SLC35F3: variants seen among roughly 807,000 people sequenced by gnomAD.
The protein encoded by SLC35F3 is putative thiamine transporter SLC35F3.
Under a neutral mutation model 49.9 loss-of-function variants are expected in SLC35F3, and 25 were observed. The observed-to-expected ratio is 0.50, with a 90% CI of 0.37 to 0.70. The LOEUF (loss-of-function observed/expected upper bound fraction) is 0.70. SLC35F3 is among the 30% of genes least tolerant of loss of function. The pLI, the probability that SLC35F3 is intolerant of heterozygous loss-of-function variation, is 0.00. For synonymous variants in SLC35F3, 275 were observed against 265.4 expected, an observed-to-expected ratio of 1.04 and a Z score of -0.35; for missense variants, 525 against 639.8, an observed-to-expected ratio of 0.82 and a Z score of 1.94.
At chr1:234,020,480 T>A (rs1243389347) in intron 2 of SLC35F3, among the ~76,000 whole-genome samples, 1 of 152,164 alleles carries the variant, frequency 6.6e-6, no homozygotes, top group Non-Finnish European at 1.5e-5. Context: ...TTTATTTCTT[T>A]TTTCTTTTTT....
chr1:234,283,490 C>A (rs1668361635), intron 3 of SLC35F3, among the ~76,000 whole-genome samples: 1 of 152,210 alleles, frequency 6.6e-6, no homozygotes, highest in Non-Finnish European at 1.5e-5. Flanking sequence ...TTGTGGAATG[C>A]AAAGTAGCAC....
chr1:234,226,551 T>TA lies in SLC35F3; in HGVS notation c.284-4849dup, dbSNP rs10547189. 6.7e-3 allele frequency among the ~76,000 whole-genome samples: 962 copies of TA among 143,318 alleles called. 5 individuals are homozygous for TA. Among genetic ancestry groups the TA allele is most frequent in the African/African-American group, 0.022 (866 of 39,764 alleles). 94.0% of individuals were successfully genotyped at this position (143,318 alleles called of 152,430 possible). ...ATTGTAGAAGTGACTTACATTAAGTTAAAAAAAAAAAAAAAAAGCACCCAA... is the reference window on the plus strand; with the variant it reads ...ATTGTAGAAGTGACTTACATTAAGTTAAAAAAAAAAAAAAAAAAGCACCCAA... On this transcript the variant is annotated intron_variant, in intron 2 of 7. Coordinates refer to ENST00000366618, the MANE Select transcript of SLC35F3 (RefSeq NM_173508.4).
intron 2 of SLC35F3, among the ~76,000 whole-genome samples, chr1:234,227,444 G>A (rs1032901690): frequency 3.5e-5 from 5 of 143,566 alleles, no homozygotes; most frequent in Non-Finnish European, 7.5e-5. Flanking sequence ...TGTTGCCCAG[G>A]CTGGAGTCCA....
chr1:234,005,981 GATA>G (rs1166327370), intron 2 of SLC35F3, among the ~76,000 whole-genome samples: 1 of 152,162 alleles, frequency 6.6e-6, no homozygotes, highest in Admixed American at 6.5e-5. Flanking sequence ...CATTGACTTA[GATA>G]ATGTTTATGG....
intron 2 of SLC35F3, among the ~76,000 whole-genome samples, chr1:234,050,208 G>C (rs1202660161): frequency 2.6e-5 from 4 of 152,142 alleles, no homozygotes; most frequent in Non-Finnish European, 5.9e-5. Flanking sequence ...TTGAGGAATC[G>C]CCACACTGTC....
intron 2 of SLC35F3, among the ~76,000 whole-genome samples, chr1:233,934,397 C>T (rs978518880): frequency 6.6e-6 from 1 of 152,130 alleles, no homozygotes; most frequent in Non-Finnish European, 1.5e-5. Flanking sequence ...TTAAAATCAA[C>T]CTTCACGAAT....
At chr1:233,909,986 T>C (rs996147027) in intron 2 of SLC35F3, among the ~76,000 whole-genome samples, 1 of 152,334 alleles carries the variant, frequency 6.6e-6, no homozygotes, top group South Asian at 2.1e-4. Flanking sequence ...CCAGATCGAG[T>C]AATCATCACC....
At chr1:234,221,686 ACAT>A (rs1405490862) in intron 2 of SLC35F3, among the ~76,000 whole-genome samples, 1 of 152,198 alleles carries the variant, frequency 6.6e-6, no homozygotes, top group Admixed American at 6.5e-5. Context: ...ATTGGTTAAG[ACAT>A]CATGTAGCTC....
In SLC35F3 at chr1:233,987,508, A is replaced by T. The variant is rs890941820; in HGVS notation, c.283+81750A>T. On this transcript the variant is annotated intron_variant, in intron 2 of 7. Transcript: ENST00000366618. ...AAGTCTGAAGCTTTTTTGATTCCCCATCTTTTTATTTTGATCTATCTTTTC... is the reference window on the plus strand; with the variant it reads ...AAGTCTGAAGCTTTTTTGATTCCCCTTCTTTTTATTTTGATCTATCTTTTC... Among the ~76,000 whole-genome samples, 4 of 137,670 alleles carry T rather than the reference A, an allele frequency of 2.9e-5. No individual in the cohort carries two copies. In the South Asian group the frequency reaches 8.5e-4, roughly 29 times the overall value. The allele number at this position is 137,670 out of a possible 152,430, so 90.3% of individuals were successfully genotyped here.
chr1:234,232,684 C>G (rs190216234), intron 3 of SLC35F3, among the ~76,000 whole-genome samples: 190 of 152,144 alleles, frequency 1.2e-3, no homozygotes, highest in African/African-American at 4.3e-3. Flanking sequence ...CCCACCACAC[C>G]CCACCCCACC....
chr1:234,267,513 C>T (rs1668007652), intron 3 of SLC35F3, among the ~76,000 whole-genome samples: 1 of 147,406 alleles, frequency 6.8e-6, no homozygotes, highest in Non-Finnish European at 1.5e-5. Context: ...GGGGGCTGAC[C>T]CCCCCACCTC....
chr1:234,207,919 A>G lies in SLC35F3; in HGVS notation c.284-23498A>G, dbSNP rs1320012983. Among the ~76,000 whole-genome samples the G allele has an allele frequency of 2.0e-5, 3 of 152,298 alleles. No individual in the cohort carries two copies. The East Asian group carries it at 5.8e-4, about 29-fold the overall frequency. On this transcript the variant is annotated intron_variant, in intron 2 of 7. Coordinates refer to ENST00000366618, the MANE Select transcript of SLC35F3 (RefSeq NM_173508.4). ...AGCTGCTCAGGAGGCTTAGGTGGAA[A>G]GATTGCTTGAGCCTAGGAGTTCAAG...
intron 2 of SLC35F3, among the ~76,000 whole-genome samples, chr1:234,101,945 C>T (rs12568662): frequency 0.14 from 21,750 of 152,176 alleles, 3,233 homozygotes; most frequent in East Asian, 0.81. Context: ...TTCAAGAAGC[C>T]GGAAGCATAG....
intron 2 of SLC35F3, among the ~76,000 whole-genome samples, chr1:233,932,850 A>G (rs1464573437): frequency 6.6e-6 from 1 of 152,172 alleles, no homozygotes; most frequent in African/African-American, 2.4e-5. Flanking sequence ...CTTAAACATA[A>G]TCCCATTTGT....
At chr1:234,058,505 C>G (rs1572035739) in intron 2 of SLC35F3, among the ~76,000 whole-genome samples, 1 of 151,176 alleles carries the variant, frequency 6.6e-6, no homozygotes, top group Non-Finnish European at 1.5e-5. Flanking sequence ...CCATTATGCT[C>G]AGCTAATTTT....
intron 2 of SLC35F3, among the ~76,000 whole-genome samples, chr1:234,099,631 A>C (rs1329132878): frequency 6.6e-6 from 1 of 151,772 alleles, no homozygotes; most frequent in Non-Finnish European, 1.5e-5. Flanking sequence ...AAAAAAACAA[A>C]AAAAAGATTT....
chr1:233,991,817 CATT>C (rs1448839021), intron 2 of SLC35F3, among the ~76,000 whole-genome samples: 4 of 152,130 alleles, frequency 2.6e-5, no homozygotes, highest in Admixed American at 1.3e-4. Context: ...TCAGCATCAT[CATT>C]ATTTTGCCTG....
At chr1:234,090,958 CAT>C (rs1438355325) in intron 2 of SLC35F3, among the ~76,000 whole-genome samples, 1 of 152,170 alleles carries the variant, frequency 6.6e-6, no homozygotes, top group Admixed American at 6.5e-5. Flanking sequence ...CGGGGAGGAA[CAT>C]ATTTTCTTCA....
intron 2 of SLC35F3, among the ~76,000 whole-genome samples, chr1:233,907,701 G>T (rs1013068412): frequency 2.8e-5 from 4 of 141,100 alleles, no homozygotes; most frequent in Non-Finnish European, 6.2e-5. Flanking sequence ...TGCAGCAAAA[G>T]AGGTTGTCTT....
Sources: allele counts gnomAD v4.1 joint callset (sites outside exome capture counted in the v4.1 genomes callset), GRCh38; gene constraint gnomAD v4.1.1; transcripts MANE v1.5; gene names NCBI Gene and HGNC (gene_info 2026-07-23, HGNC 2026-07-21).